ELP2: variants seen among roughly 807,000 people sequenced by gnomAD.
ELP2 encodes elongator acetyltransferase complex subunit 2.
Under a neutral mutation model 119.2 loss-of-function variants are expected in ELP2, and 90 were observed. The ratio of observed to expected loss-of-function variants is 0.75; its 90% confidence interval spans 0.64 to 0.90. The LOEUF (loss-of-function observed/expected upper bound fraction) is 0.90, where lower values mean the gene tolerates loss of function less well. ELP2 is among the 40% of genes least tolerant of loss of function. The pLI is 0.00. For synonymous variants in ELP2, 339 were observed against 331.0 expected, an observed-to-expected ratio of 1.02 and a Z score of -0.26; for missense variants, 921 against 967.8, an observed-to-expected ratio of 0.95 and a Z score of 0.64.
At chr18:36,153,003 C>T (rs1217496313) in intron 11 of ELP2, among the ~76,000 whole-genome samples, 1 of 152,166 alleles carries the variant, frequency 6.6e-6, no homozygotes, top group Non-Finnish European at 1.5e-5. Flanking sequence ...TCTGTTGTCC[C>T]TGCATAATTC....
At chr18:36,157,164 C>T (rs2090599386) in intron 13 of ELP2, among the ~76,000 whole-genome samples, 1 of 152,082 alleles carries the variant, frequency 6.6e-6, no homozygotes, top group African/African-American at 2.4e-5. Flanking sequence ...GTAAGGGTAA[C>T]TTTCTTTTTT....
At chr18:36,146,472 A>G in intron 11 of ELP2, 91 bp downstream of exon 11, 1 of 1,388,804 alleles carries the variant, frequency 7.2e-7, no homozygotes, top group African/African-American at 1.4e-5. Context: ...CTACAGAAAC[A>G]TAGTAGAGGC....
At chr18:36,133,347 T>G (rs1233218640) in intron 2 of ELP2, 31 bp downstream of exon 2, 1 of 1,504,556 alleles carries the variant, frequency 6.6e-7, no homozygotes, top group African/African-American at 1.4e-5. Flanking sequence ...AAAGTTGATC[T>G]CAATTGTTTT....
intron 2 of ELP2, among the ~76,000 whole-genome samples, chr18:36,135,050 G>T (rs940934347): frequency 6.6e-6 from 1 of 152,206 alleles, no homozygotes; most frequent in East Asian, 1.9e-4. Context: ...ATGGTACAAG[G>T]GATGCCTGTT....
intron 18 of ELP2, among the ~76,000 whole-genome samples, chr18:36,165,420 T>G (rs1305379929): frequency 6.6e-6 from 1 of 152,246 alleles, no homozygotes; most frequent in African/African-American, 2.4e-5. Flanking sequence ...ATTTTTCCAT[T>G]GATAAGACTC....
Position 36,154,946 on chromosome 18 carries a change from A to G in ELP2, c.1222A>G (p.Thr408Ala), listed in dbSNP as rs777055914. 33 of 1,613,152 alleles carry G rather than the reference A, an allele frequency of 2.0e-5. No homozygotes were observed. The highest frequency in any genetic ancestry group is 2.8e-5 in the Non-Finnish European group (33 of 1,179,210). ...AGGAGAATTTATTATCACTGTTGGT[A>G]CTGATCAGACAACTAGACTTTTTGC... ...PEGEFIITVG[T>A]DQTTRLFAPW... The change falls in exon 12 of 22, where the codon ACT (threonine) becomes GCT (alanine). Residue 408 changes from threonine (T) to alanine (A), a missense_variant. By Grantham distance (58) the Thr-to-Ala change is moderately conservative (BLOSUM62 0). Coordinates refer to ENST00000358232, the MANE Select transcript of ELP2 (RefSeq NM_018255.4).
At chr18:36,130,877 T>A (rs151067428) in intron 1 of ELP2, among the ~76,000 whole-genome samples, 3 of 152,250 alleles carry the variant, frequency 2.0e-5, no homozygotes, top group African/African-American at 7.2e-5. Context: ...TGGTTAAAAA[T>A]TTCATTATTG....
Position 36,174,704 on chromosome 18 carries a change from C to G in ELP2, c.*63C>G, listed in dbSNP as rs2091182515. 1 of 1,475,872 alleles carries G rather than the reference C, an allele frequency of 6.8e-7. No homozygotes were observed. The highest frequency in any genetic ancestry group is 1.4e-5 in the African/African-American group (1 of 71,890). 91.4% of individuals were successfully genotyped at this position (1,475,872 alleles called of 1,614,324 possible). A position where few individuals can be genotyped will look rare whatever the true frequency, so the allele number is the denominator to read the frequency against. On this transcript the variant is annotated 3_prime_UTR_variant, in exon 22 of 22. Transcript: ENST00000358232. ...TTAAAATATTATCATGTAAACAGGT[C>G]ATCTTTACCTTCATAACTGAATTGA...
intron 13 of ELP2, 53 bp downstream of exon 13, chr18:36,156,707 T>C: frequency 1.3e-6 from 2 of 1,539,480 alleles, no homozygotes; most frequent in South Asian, 2.2e-5. Flanking sequence ...ATTTTAAATT[T>C]AAAAGGATTT....
At chr18:36,166,571 A>T (rs1733209547) in intron 18 of ELP2, among the ~76,000 whole-genome samples, 1 of 151,754 alleles carries the variant, frequency 6.6e-6, no homozygotes, top group Non-Finnish European at 1.5e-5. Context: ...ACCTCAGGTG[A>T]TCCACCCGCC....
At chr18:36,158,760 C>G (rs574593509) in intron 13 of ELP2, 75 bp from the exon 14 acceptor site, 1 of 1,072,814 alleles carries the variant, frequency 9.3e-7, no homozygotes, top group East Asian at 2.5e-5. Flanking sequence ...CCTGAAGTAA[C>G]AGTAACTTTT....
chr18:36,149,150 T>G lies in ELP2; in HGVS notation c.1125+2769T>G, dbSNP rs1452576810. ...CCTCAATGACCCATTTATTCATTTC[T>G]TTACTCTCAGCTGCTATTTCTCCTT... On this transcript the variant is annotated intron_variant, in intron 11 of 21. Transcript: ENST00000358232. Among the ~76,000 whole-genome samples, 3 of 152,248 alleles carry G rather than the reference T, an allele frequency of 2.0e-5. No individual in the cohort carries two copies. In the East Asian group the frequency reaches 5.8e-4, roughly 29 times the overall value.
chr18:36,169,067 G>A (rs1206432876), intron 19 of ELP2, among the ~76,000 whole-genome samples: 1 of 151,550 alleles, frequency 6.6e-6, no homozygotes, highest in Non-Finnish European at 1.5e-5. Context: ...TGGGATTACA[G>A]GCACCCACCA....
intron 11 of ELP2, among the ~76,000 whole-genome samples, chr18:36,153,940 T>C (rs7227341): frequency 0.045 from 6,845 of 151,386 alleles, 484 homozygotes; most frequent in African/African-American, 0.15. Context: ...CCTTCAGGAC[T>C]GTTACTGTGG....
chr18:36,145,066 T>C, intron 9 of ELP2, 32 bp downstream of exon 9: 4 of 1,513,958 alleles, frequency 2.6e-6, no homozygotes, highest in Non-Finnish European at 3.7e-6. Context: ...TATCCCTTAC[T>C]CCAGTTAAAT....
In ELP2 at chr18:36,178,976, T is replaced by C. The variant is rs961451034; in HGVS notation, c.*4335T>C. ...ATATCCATAAGTTAAATACAAAAATTGTTACATTGTGAGGAGTTCTTCCCC... is the reference window on the plus strand; with the variant it reads ...ATATCCATAAGTTAAATACAAAAATCGTTACATTGTGAGGAGTTCTTCCCC... On this transcript the variant is annotated 3_prime_UTR_variant, in exon 22 of 22. Coordinates refer to ENST00000358232, the MANE Select transcript of ELP2 (RefSeq NM_018255.4). 3.2e-4 allele frequency: 48 copies of C among 152,218 alleles called. No homozygotes were observed. Among genetic ancestry groups the C allele is most frequent in the African/African-American group, 1.1e-3 (45 of 41,416 alleles). The allele number at this position is 152,218 out of a possible 1,614,324, so 9.4% of individuals were successfully genotyped here.
intron 14 of ELP2, among the ~76,000 whole-genome samples, chr18:36,159,154 C>T: frequency 6.6e-6 from 1 of 151,514 alleles, no homozygotes; most frequent in Non-Finnish European, 1.5e-5. Context: ...GCTCTGTCAC[C>T]CAGGCTGGAG....
chr18:36,171,817 A>G lies in ELP2; in HGVS notation c.2324+657A>G, dbSNP rs190441562. Among the ~76,000 whole-genome samples, 22 of 152,336 alleles carry G rather than the reference A, an allele frequency of 1.4e-4. No homozygotes were observed. In the East Asian group the frequency reaches 4.2e-3, roughly 29 times the overall value. The stretch of plus-strand genomic sequence containing the variant: ...CTGCAACCTCCGCCTCCCAGGCTCA[A>G]TCAGTCTTCCTACCTCAGCCTCCCA... On this transcript the variant is annotated intron_variant, in intron 21 of 21. Coordinates refer to ENST00000358232, the MANE Select transcript of ELP2 (RefSeq NM_018255.4).
intron 17 of ELP2, 145 bp downstream of exon 17, chr18:36,161,149 T>TA: frequency 1.4e-6 from 1 of 691,088 alleles, no homozygotes; most frequent in Non-Finnish European, 2.6e-6. Flanking sequence ...CAATTTCTCT[T>TA]ACCCTTCTGT....
Sources: gnomAD v4.1 joint callset for allele counts (sites outside exome capture counted in the v4.1 genomes callset) on GRCh38, gnomAD v4.1.1 for gene constraint, MANE v1.5 for transcripts, NCBI Gene and HGNC (gene_info 2026-07-23, HGNC 2026-07-21) for gene names.